HS6ST3: variants seen among roughly 807,000 people sequenced by gnomAD.
HS6ST3 encodes the protein heparan sulfate 6-O-sulfotransferase 3.
A neutral mutation model predicts 36.7 loss-of-function variants in HS6ST3; 12 were observed. The ratio of observed to expected loss-of-function variants is 0.33; its 90% confidence interval spans 0.21 to 0.53. The LOEUF is 0.53. Ranked by LOEUF, HS6ST3 falls within the 20% of genes least tolerant of loss-of-function variation. HS6ST3 has a pLI of 0.95. For missense variants in HS6ST3, 584 were observed against 640.9 expected (o/e 0.91, Z 0.96); for synonymous variants, 240 against 257.5 (o/e 0.93, Z 0.65).
chr13:96,755,028 CTG>C (rs1220082326), intron 1 of HS6ST3, among the ~76,000 whole-genome samples: 1 of 151,876 alleles, frequency 6.6e-6, no homozygotes, highest in Non-Finnish European at 1.5e-5. Flanking sequence ...AATGTTAGGA[CTG>C]TGAGATGCAC....
At chr13:96,793,310 T>C (rs1183062611) in intron 1 of HS6ST3, among the ~76,000 whole-genome samples, 1 of 152,002 alleles carries the variant, frequency 6.6e-6, no homozygotes, top group Non-Finnish European at 1.5e-5. Flanking sequence ...GTGGGTGCTG[T>C]TTTTTGATTG....
At chr13:96,277,388 A>G (rs955241350) in intron 1 of HS6ST3, among the ~76,000 whole-genome samples, 12 of 152,222 alleles carry the variant, frequency 7.9e-5, no homozygotes, top group Non-Finnish European at 1.8e-4. Context: ...CTTCTATTAT[A>G]ATGTGGAGAC....
rs115167449 is a variant in HS6ST3, at chr13:96,217,151, G to A, written c.707+125582G>A. Among the ~76,000 whole-genome samples the A allele has an allele frequency of 9.8e-3, 1,486 of 152,248 alleles. 25 individuals carry two copies. The highest frequency in any genetic ancestry group is 0.034 in the African/African-American group (1,426 of 41,544). On this transcript the variant is annotated intron_variant, in intron 1 of 1. Coordinates refer to ENST00000376705, the MANE Select transcript of HS6ST3 (RefSeq NM_153456.4). The stretch of plus-strand genomic sequence containing the variant: ...CCAGACGGAAGTTTCCCAGGGGTCC[G>A]GAAAGAAGCAACCTATTTTGAACGT...
intron 1 of HS6ST3, among the ~76,000 whole-genome samples, chr13:96,291,662 A>G (rs1004158613): frequency 6.6e-6 from 1 of 152,234 alleles, no homozygotes; most frequent in African/African-American, 2.4e-5. Context: ...TTCGTTTAAT[A>G]ATATGAAGTT....
At chr13:96,814,378 A>C (rs971018177) in intron 1 of HS6ST3, among the ~76,000 whole-genome samples, 2 of 152,168 alleles carry the variant, frequency 1.3e-5, no homozygotes, top group African/African-American at 4.8e-5. Context: ...TAGTCTTCAG[A>C]GTTCTGATGA....
chr13:96,179,241 C>T (rs1237627367), intron 1 of HS6ST3, among the ~76,000 whole-genome samples: 1 of 152,110 alleles, frequency 6.6e-6, no homozygotes, highest in East Asian at 1.9e-4. Context: ...AGATGGGACC[C>T]CATTTAATAT....
intron 1 of HS6ST3, among the ~76,000 whole-genome samples, chr13:96,637,070 G>T (rs1484821847): frequency 6.6e-6 from 1 of 152,018 alleles, no homozygotes; most frequent in Non-Finnish European, 1.5e-5. Flanking sequence ...AATAGAAGAA[G>T]AAAAAACTTA....
chr13:96,477,759 G>A (rs1330246440), intron 1 of HS6ST3, among the ~76,000 whole-genome samples: 2 of 151,964 alleles, frequency 1.3e-5, no homozygotes, highest in African/African-American at 4.8e-5. Context: ...AATCCCAGCT[G>A]CTCAGAAGGC....
rs1365025900 is a variant in HS6ST3 at position 96,090,687 on chromosome 13, C to T, written c.-176C>T. On this transcript the variant is annotated 5_prime_UTR_variant, in exon 1 of 2. Coordinates refer to ENST00000376705, the MANE Select transcript of HS6ST3 (RefSeq NM_153456.4). Reference sequence around the variant, plus strand: ...CCCGCCCGGCTCGCAGGCCCCGGCTCCTCAAGCCCCGAGGGCCGCGGGGCC... The same window carrying T: ...CCCGCCCGGCTCGCAGGCCCCGGCTTCTCAAGCCCCGAGGGCCGCGGGGCC... 6.8e-6 allele frequency among the ~76,000 whole-genome samples: 1 copy of T among 148,106 alleles called. No individual in the cohort carries two copies. Among genetic ancestry groups the T allele is most frequent in the Non-Finnish European group, 1.5e-5 (1 of 66,708 alleles).
At chr13:96,109,690 A>G (rs905697657) in intron 1 of HS6ST3, among the ~76,000 whole-genome samples, 2 of 152,178 alleles carry the variant, frequency 1.3e-5, no homozygotes, top group African/African-American at 4.8e-5. Flanking sequence ...GATGAAGGAA[A>G]GGCCTAGAAA....
chr13:96,326,167 C>CT (rs11334148), intron 1 of HS6ST3, among the ~76,000 whole-genome samples: 6 of 137,738 alleles, frequency 4.4e-5, no homozygotes, highest in East Asian at 2.2e-4. Context: ...TTCATTTTTT[C>CT]TTTTTTTTTT....
chr13:96,468,322 A>C (rs2055824135), intron 1 of HS6ST3, among the ~76,000 whole-genome samples: 1 of 152,178 alleles, frequency 6.6e-6, no homozygotes, highest in African/African-American at 2.4e-5. Context: ...AAGTCTCAGA[A>C]AGGAAGAAAT....
intron 1 of HS6ST3, among the ~76,000 whole-genome samples, chr13:96,677,195 T>C (rs1413173616): frequency 6.6e-6 from 1 of 152,174 alleles, no homozygotes; most frequent in Non-Finnish European, 1.5e-5. Flanking sequence ...CAAAGTTATC[T>C]GTATTTAATT....
chr13:96,681,708 C>G (rs1470198195), intron 1 of HS6ST3, among the ~76,000 whole-genome samples: 2 of 152,042 alleles, frequency 1.3e-5, no homozygotes, highest in East Asian at 3.9e-4. Context: ...ATCTGGAGCT[C>G]AACACAATCT....
chr13:96,691,868 A>G (rs1231108512), intron 1 of HS6ST3, among the ~76,000 whole-genome samples: 1 of 152,146 alleles, frequency 6.6e-6, no homozygotes, highest in Non-Finnish European at 1.5e-5. Context: ...GGTAGGTGTT[A>G]ATATTCCTAC....
intron 1 of HS6ST3, among the ~76,000 whole-genome samples, chr13:96,222,096 G>A (rs2054458573): frequency 6.6e-6 from 1 of 152,102 alleles, no homozygotes; most frequent in Admixed American, 6.5e-5. Context: ...TAAAATCAAA[G>A]ATATTTTTCC....
intron 1 of HS6ST3, among the ~76,000 whole-genome samples, chr13:96,682,008 C>T (rs1321586972): frequency 6.6e-6 from 1 of 152,114 alleles, no homozygotes; most frequent in Non-Finnish European, 1.5e-5. Flanking sequence ...GGCTATATTG[C>T]TGCTGGAAGC....
At chr13:96,279,937 T>C (rs928371674) in intron 1 of HS6ST3, among the ~76,000 whole-genome samples, 2 of 152,226 alleles carry the variant, frequency 1.3e-5, no homozygotes, top group African/African-American at 4.8e-5. Context: ...TTACAAGATA[T>C]CTAATCATTT....
At chr13:96,720,318 A>G (rs1223870283) in intron 1 of HS6ST3, among the ~76,000 whole-genome samples, 3 of 152,166 alleles carry the variant, frequency 2.0e-5, no homozygotes, top group Non-Finnish European at 2.9e-5. Flanking sequence ...TGGATATAGT[A>G]GGTAGTAATT....
Sources: allele counts gnomAD v4.1 joint callset (sites outside exome capture counted in the v4.1 genomes callset), GRCh38; gene constraint gnomAD v4.1.1; transcripts MANE v1.5; gene names NCBI Gene and HGNC (gene_info 2026-07-23, HGNC 2026-07-21).